The following MET variants were observed in gnomAD, a reference collection of about 807,000 sequenced individuals.
MET encodes the protein hepatocyte growth factor receptor.
A neutral mutation model predicts 133.1 loss-of-function variants in MET; 48 were observed. That is an observed-to-expected ratio of 0.36 (90% CI 0.29 to 0.46). MET has a LOEUF of 0.46. Ranked by LOEUF, MET falls within the 20% of genes least tolerant of loss-of-function variation. The probability of loss-of-function intolerance (pLI) is 1.00; values close to 1 mark genes in which losing one functional copy is unlikely to be tolerated. For synonymous variants in MET, 628 were observed against 616.5 expected (o/e 1.02, Z -0.28); for missense variants, 1,442 against 1,695.9 (o/e 0.85, Z 2.63).
In MET at chr7:116,797,018, TG is replaced by T. The variant is rs1795699742; in HGVS notation, c.*895del. 5.4e-6 allele frequency: 1 copy of T among 184,406 alleles called. No homozygotes were observed. The highest frequency in any genetic ancestry group is 1.2e-5 in the Non-Finnish European group (1 of 86,668). The allele number at this position is 184,406 out of a possible 1,614,324, so 11.4% of individuals were successfully genotyped here. On this transcript the variant is annotated 3_prime_UTR_variant, in exon 21 of 21. Coordinates refer to ENST00000397752, the MANE Select transcript of MET (RefSeq NM_000245.4). ...GCATCACACAAAACATGTTTATAAATGAACAGGATGTAATGTACATAGATGA... is the reference window on the plus strand; with the variant it reads ...GCATCACACAAAACATGTTTATAAATAACAGGATGTAATGTACATAGATGA...
Position 116,798,371 on chromosome 7 carries a change from GAT to G in MET, c.*2248_*2249del. 2 of 186,188 alleles carry G rather than the reference GAT, an allele frequency of 1.1e-5. No homozygotes were observed. The highest frequency in any genetic ancestry group is 2.3e-5 in the Non-Finnish European group (2 of 87,802). The allele number at this position is 186,188 out of a possible 1,614,324, so 11.5% of individuals were successfully genotyped here. ...ATAAATCATGCAATTAAAGTAAAGT[GAT>G]GCAACATCTTGTATACTGATAGTGG... On this transcript the variant is annotated 3_prime_UTR_variant, in exon 21 of 21. Coordinates refer to ENST00000397752, the MANE Select transcript of MET (RefSeq NM_000245.4).
chr7:116,702,325 T>A (rs932602774), intron 2 of MET, among the ~76,000 whole-genome samples: 1 of 152,134 alleles, frequency 6.6e-6, no homozygotes, highest in Non-Finnish European at 1.5e-5. Flanking sequence ...CTCCTCTATT[T>A]ATTTGCCTGT....
intron 15 of MET, among the ~76,000 whole-genome samples, 161 bp from the exon 16 acceptor site, chr7:116,777,228 C>A (rs1795021351): frequency 6.6e-6 from 1 of 152,086 alleles, no homozygotes; most frequent in Non-Finnish European, 1.5e-5. Flanking sequence ...TACAAACACA[C>A]CTACGTACCT....
intron 2 of MET, among the ~76,000 whole-genome samples, chr7:116,709,704 G>T (rs188443459): frequency 1.5e-3 from 224 of 152,188 alleles, no homozygotes; most frequent in African/African-American, 5.2e-3. Flanking sequence ...TTATTTTCCC[G>T]TAAGGCGACC....
intron 1 of MET, among the ~76,000 whole-genome samples, chr7:116,686,696 G>T (rs145025167): frequency 1.4e-3 from 211 of 152,308 alleles, no homozygotes; most frequent in African/African-American, 4.0e-3. Context: ...ATTCTCTGGA[G>T]ATCCTTCAAC....
At chr7:116,778,683 G>A in intron 16 of MET, 93 bp from the exon 17 acceptor site, 2 of 1,284,320 alleles carry the variant, frequency 1.6e-6, no homozygotes, top group Non-Finnish European at 2.2e-6. Context: ...CTAACTGTGT[G>A]GTTTACCATT....
intron 5 of MET, among the ~76,000 whole-genome samples, chr7:116,744,049 A>T (rs1356022788): frequency 6.6e-6 from 1 of 152,200 alleles, no homozygotes; most frequent in Admixed American, 6.5e-5. Flanking sequence ...AACATCAAAG[A>T]CCAAAGGTTG....
intron 5 of MET, among the ~76,000 whole-genome samples, chr7:116,744,366 A>C (rs1420667736): frequency 6.6e-6 from 1 of 152,186 alleles, no homozygotes; most frequent in Non-Finnish European, 1.5e-5. Context: ...GAGCTGAAAA[A>C]CACAGCATGA....
intron 1 of MET, among the ~76,000 whole-genome samples, chr7:116,698,145 C>T (rs1797033421): frequency 6.6e-6 from 1 of 152,184 alleles, no homozygotes; most frequent in Non-Finnish European, 1.5e-5. Context: ...CAACCTACTA[C>T]CCTGCCTATA....
chr7:116,793,553 C>T (rs564662260), intron 19 of MET, among the ~76,000 whole-genome samples: 1 of 152,218 alleles, frequency 6.6e-6, no homozygotes, highest in South Asian at 2.1e-4. Context: ...AATCCCTTCC[C>T]CTACTCCAAC....
chr7:116,757,464 G>T lies in MET; in HGVS notation c.1890G>T (p.Met630Ile), dbSNP rs756209410. ...TGAAATGCACAGTTGGTCCTGCCAT[G>T]AATAAGCATTTCAATATGTCCATAA... ...NTLKCTVGPA[M>I]NKHFNMSIII... The change falls in exon 7 of 21, where the codon ATG becomes ATT. Residue 630 changes from methionine to isoleucine, a missense_variant. Transcript: ENST00000397752. The T allele has an allele frequency of 6.2e-7, 1 of 1,613,542 alleles. No homozygotes were observed. The highest frequency in any genetic ancestry group is 1.1e-5 in the South Asian group (1 of 91,054).
At chr7:116,726,076 G>A (rs1358269357) in intron 2 of MET, among the ~76,000 whole-genome samples, 1 of 116,422 alleles carries the variant, frequency 8.6e-6, no homozygotes, top group East Asian at 2.6e-4. Flanking sequence ...AATCTTATGG[G>A]ACCACCATAA....
intron 14 of MET, among the ~76,000 whole-genome samples, chr7:116,773,525 A>G (rs947285516): frequency 5.9e-5 from 9 of 152,176 alleles, no homozygotes; most frequent in African/African-American, 1.9e-4. Flanking sequence ...AGGCTTTAGG[A>G]AGTGAGAATG....
chr7:116,789,419 T>A (rs1795415311), intron 19 of MET, among the ~76,000 whole-genome samples: 1 of 152,198 alleles, frequency 6.6e-6, no homozygotes. Context: ...ATTGTGTAAT[T>A]TACCCACTCC....
intron 2 of MET, among the ~76,000 whole-genome samples, chr7:116,720,554 G>A (rs1792440995): frequency 1.3e-5 from 1 of 79,056 alleles, no homozygotes; most frequent in East Asian, 3.3e-4. Context: ...GGGCATCCCT[G>A]TCTTGTGCCA....
chr7:116,736,829 G>C (rs1290348214), intron 3 of MET, among the ~76,000 whole-genome samples: 1 of 152,104 alleles, frequency 6.6e-6, no homozygotes, highest in African/African-American at 2.4e-5. Context: ...TATTTTATGC[G>C]AATTCTTCTA....
chr7:116,728,969 T>G (rs1352857140), intron 2 of MET, among the ~76,000 whole-genome samples: 1 of 152,170 alleles, frequency 6.6e-6, no homozygotes, highest in Non-Finnish European at 1.5e-5. Context: ...CACAAAAACC[T>G]GAGCCTGAAG....
rs2116591747 is a variant in MET at position 116,699,636 on chromosome 7, C to T, written c.552C>T (p.Val184=). 1 of 1,613,952 alleles carries T rather than the reference C, an allele frequency of 6.2e-7. No homozygotes were observed. Among genetic ancestry groups the T allele is most frequent in the Non-Finnish European group, 8.5e-7 (1 of 1,179,952 alleles). Residue 184 remains valine, a synonymous_variant, in exon 2 of 21, where the codon GTC becomes GTT. Transcript: ENST00000397752. ...DCVVSALGAK[V]LSSVKDRFIN... ...TGGTGAGCGCCCTGGGAGCCAAAGT[C>T]CTTTCATCTGTAAAGGACCGGTTCA...
At chr7:116,708,449 C>T (rs1239967692) in intron 2 of MET, among the ~76,000 whole-genome samples, 5 of 152,172 alleles carry the variant, frequency 3.3e-5, no homozygotes, top group African/African-American at 1.2e-4. Context: ...TTAGTGCATA[C>T]TATCTTACAC....
Sources: gnomAD v4.1 joint callset for allele counts (sites outside exome capture counted in the v4.1 genomes callset) on GRCh38, gnomAD v4.1.1 for gene constraint, MANE v1.5 for transcripts, NCBI Gene and HGNC (gene_info 2026-07-23, HGNC 2026-07-21) for gene names.